The following CACNA2D1 variants were observed in gnomAD, a reference collection of about 807,000 sequenced individuals.
CACNA2D1 encodes calcium voltage-gated channel auxiliary subunit alpha2delta 1.
Under a neutral mutation model 171.5 loss-of-function variants are expected in CACNA2D1, and 53 were observed. The ratio of observed to expected loss-of-function variants is 0.31; its 90% CI spans 0.25 to 0.39. The LOEUF (loss-of-function observed/expected upper bound fraction) is 0.39, where lower values mean the gene tolerates loss of function less well. Among genes scored for constraint, CACNA2D1 ranks in the 10% least tolerant of loss-of-function variants. The probability of loss-of-function intolerance (pLI) is 1.00; values close to 1 mark genes in which losing one functional copy is unlikely to be tolerated. For synonymous variants in CACNA2D1, 442 were observed against 443.1 expected (o/e 1.00, Z 0.03); for missense variants, 903 against 1,299.8 (o/e 0.69, Z 4.69).
At chr7:82,388,072 A>AAAAAAC (rs1173862206) in intron 1 of CACNA2D1, among the ~76,000 whole-genome samples, 2 of 146,600 alleles carry the variant, frequency 1.4e-5, no homozygotes, top group Non-Finnish European at 3.1e-5. Flanking sequence ...CAAAAAAAAA[A>AAAAAAC]AAAAACAAAA....
chr7:82,300,902 A>C (rs1812918256), intron 3 of CACNA2D1, among the ~76,000 whole-genome samples: 1 of 152,168 alleles, frequency 6.6e-6, no homozygotes, highest in African/African-American at 2.4e-5. Flanking sequence ...ATAAGGAAAA[A>C]CTAGGATCTG....
At chr7:82,374,670 G>T (rs1223940092) in intron 1 of CACNA2D1, among the ~76,000 whole-genome samples, 1 of 151,660 alleles carries the variant, frequency 6.6e-6, no homozygotes, top group East Asian at 1.9e-4. Flanking sequence ...AATAATAAAA[G>T]CTTTTTATAC....
At position 82,349,615 on chromosome 7, in the gene CACNA2D1, G is replaced by C. The variant is rs1819617403; in HGVS notation, c.130C>G (p.Leu44Val). The stretch of plus-strand genomic sequence containing the variant: ...CTTGCTGTTTTTGCCAGTGTGACAA[G>C]GTCTTCTTGCATCTTATCCACCCAT... The part of the protein sequence containing the change: ...KSWVDKMQED[L>V]VTLAKTASGV... The change falls in exon 2 of 39, where the codon CTT becomes GTT. Residue 44 changes from leucine to valine, a missense_variant. Leu to Val is a conservative substitution (Grantham distance 32). Transcript: ENST00000356860. 3 of 1,613,962 alleles carry C rather than the reference G, an allele frequency of 1.9e-6. No homozygotes were observed. The highest frequency in any genetic ancestry group is 2.5e-6 in the Non-Finnish European group (3 of 1,179,898).
intron 3 of CACNA2D1, among the ~76,000 whole-genome samples, chr7:82,190,747 A>G (rs1250306678): frequency 1.3e-5 from 2 of 151,716 alleles, no homozygotes; most frequent in Non-Finnish European, 3.0e-5. Context: ...AAAGAAATTC[A>G]TAGAATCATA....
chr7:82,142,868 T>TA (rs1214917127), intron 4 of CACNA2D1, among the ~76,000 whole-genome samples: 3 of 152,356 alleles, frequency 2.0e-5, no homozygotes, highest in Non-Finnish European at 2.9e-5. Flanking sequence ...ACTGTTTAGC[T>TA]AAAATCATTT....
Position 81,991,265 on chromosome 7 carries a change from T to C in CACNA2D1, c.1735-19A>G. ...TATATCTCTAGAAAGAAGTTTAACG[T>C]GGTTATTATCACTTTACATTTTGTA... is the stretch of plus-strand genomic sequence containing the variant. On this transcript the variant is annotated intron_variant, in intron 20 of 38. Coordinates refer to ENST00000356860, the MANE Select transcript of CACNA2D1 (RefSeq NM_000722.4). The C allele has an allele frequency of 7.8e-7, 1 of 1,281,838 alleles. No individual in the cohort carries two copies. Among genetic ancestry groups the C allele is most frequent in the Non-Finnish European group, 1.1e-6 (1 of 877,072 alleles). 79.4% of individuals were successfully genotyped at this position (1,281,838 alleles called of 1,614,324 possible). A position where few individuals can be genotyped will look rare whatever the true frequency, so the allele number is the denominator to read the frequency against.
chr7:82,212,030 T>C (rs1470808371), intron 3 of CACNA2D1, among the ~76,000 whole-genome samples: 1 of 152,210 alleles, frequency 6.6e-6, no homozygotes, highest in East Asian at 1.9e-4. Context: ...ATATCTTCTT[T>C]TGGGAAGTGT....
intron 6 of CACNA2D1, among the ~76,000 whole-genome samples, chr7:82,086,193 T>C (rs1810468371): frequency 6.6e-6 from 1 of 152,278 alleles, no homozygotes. Context: ...GGTTAAATCA[T>C]GCACAAGCCT....
At chr7:82,121,566 T>A (rs1015109599) in intron 5 of CACNA2D1, among the ~76,000 whole-genome samples, 20 of 152,300 alleles carry the variant, frequency 1.3e-4, no homozygotes. Flanking sequence ...AGCCTTCTGA[T>A]TTCATTGATT....
intron 3 of CACNA2D1, among the ~76,000 whole-genome samples, chr7:82,308,417 C>T (rs1814003938): frequency 6.6e-6 from 1 of 152,188 alleles, no homozygotes. Context: ...GGTAACCTAT[C>T]TTCCTCATAG....
rs1177270313 is a variant in CACNA2D1 at position 81,949,483 on chromosome 7, A to G, written c.*909T>C. The G allele has an allele frequency of 6.6e-6, 1 of 152,090 alleles. No homozygotes were observed. The highest frequency in any genetic ancestry group is 1.9e-4 in the East Asian group (1 of 5,184). 9.4% of individuals were successfully genotyped at this position (152,090 alleles called of 1,614,324 possible). On this transcript the variant is annotated 3_prime_UTR_variant, in exon 39 of 39. Transcript: ENST00000356860. ...AAAACAACTGAAAAGTTAAAATAGC[A>G]GCAGCATCATGCAAAATACCCTTGG...
chr7:82,018,747 C>T (rs959250635), intron 12 of CACNA2D1, among the ~76,000 whole-genome samples: 4 of 152,050 alleles, frequency 2.6e-5, no homozygotes, highest in African/African-American at 9.7e-5. Flanking sequence ...CTTTGAGAGG[C>T]TGAGGTGGGT....
rs563759207 is a variant in CACNA2D1 at position 82,246,328 on chromosome 7, T to C, written c.295-75719A>G. On this transcript the variant is annotated intron_variant, in intron 3 of 38. Coordinates refer to ENST00000356860, the MANE Select transcript of CACNA2D1 (RefSeq NM_000722.4). The stretch of plus-strand genomic sequence containing the variant: ...TAAAAATATACTTGTGCACCTGTTC[T>C]TGCTCATATGATAGCAGAAAGTGAA... Among the ~76,000 whole-genome samples, 5 of 152,156 alleles carry C rather than the reference T, an allele frequency of 3.3e-5. No individual in the cohort carries two copies. The East Asian group carries it at 9.7e-4, about 29-fold the overall frequency.
chr7:82,111,428 G>GTATATATGTGTGTA (rs1584787281), intron 6 of CACNA2D1, among the ~76,000 whole-genome samples: 23 of 50,378 alleles, frequency 4.6e-4, no homozygotes, highest in South Asian at 7.0e-4. Flanking sequence ...ATATATGTGT[G>GTATATATGTGTGTA]TATATATATA....
At chr7:81,958,115 G>A (rs1248514064) in intron 38 of CACNA2D1, among the ~76,000 whole-genome samples, 3 of 151,548 alleles carry the variant, frequency 2.0e-5, no homozygotes, top group Non-Finnish European at 2.9e-5. Flanking sequence ...AAAAAAAAAC[G>A]CTTAGTTGCA....
At chr7:82,110,409 C>T (rs1788235661) in intron 6 of CACNA2D1, among the ~76,000 whole-genome samples, 1 of 152,192 alleles carries the variant, frequency 6.6e-6, no homozygotes, top group South Asian at 2.1e-4. Context: ...TGAGAAGACC[C>T]AGGAAGAAAA....
intron 3 of CACNA2D1, among the ~76,000 whole-genome samples, chr7:82,222,241 T>A (rs540631153): frequency 6.6e-6 from 1 of 152,192 alleles, no homozygotes; most frequent in African/African-American, 2.4e-5. Context: ...TTAGATGATG[T>A]TCAGCCAGAA....
intron 28 of CACNA2D1, among the ~76,000 whole-genome samples, chr7:81,969,540 TTAA>T (rs1795050284): frequency 6.6e-6 from 1 of 151,332 alleles, no homozygotes; most frequent in South Asian, 2.1e-4. Flanking sequence ...TAAAATGTAA[TTAA>T]TCAATGGAAT....
intron 1 of CACNA2D1, among the ~76,000 whole-genome samples, chr7:82,393,933 T>C (rs28532711): frequency 0.013 from 1,981 of 152,320 alleles, 43 homozygotes; most frequent in African/African-American, 0.045. Flanking sequence ...AACAACCCTT[T>C]GTTGAAATGA....
Sources: allele counts gnomAD v4.1 joint callset (sites outside exome capture counted in the v4.1 genomes callset), GRCh38; gene constraint gnomAD v4.1.1; transcripts MANE v1.5; gene names NCBI Gene and HGNC (gene_info 2026-07-23, HGNC 2026-07-21).